Variants in ABLIM3 observed in about 807,000 individuals in gnomAD.
ABLIM3 encodes the protein actin binding LIM protein family member 3.
A neutral mutation model predicts 109.5 loss-of-function variants in ABLIM3; 61 were observed. The observed-to-expected ratio is 0.56, with a 90% confidence interval of 0.45 to 0.69. The LOEUF (loss-of-function observed/expected upper bound fraction) is 0.69, where lower values mean the gene tolerates loss of function less well. ABLIM3 is among the 30% of genes least tolerant of loss of function. The pLI is 0.00. For synonymous variants in ABLIM3, 300 were observed against 324.8 expected (o/e 0.92, Z 0.82); for missense variants, 796 against 889.5 (o/e 0.89, Z 1.34).
At chr5:149,191,680 A>T (rs1045993968) in intron 3 of ABLIM3, among the ~76,000 whole-genome samples, 21 of 140,640 alleles carry the variant, frequency 1.5e-4, no homozygotes, top group Non-Finnish European at 3.2e-4. Context: ...GAAAAGTGTG[A>T]AAAATATAGC....
intron 8 of ABLIM3, among the ~76,000 whole-genome samples, chr5:149,227,455 C>G (rs891850539): frequency 6.6e-6 from 1 of 152,162 alleles, no homozygotes; most frequent in African/African-American, 2.4e-5. Context: ...TTACAAAAAG[C>G]TAGAGCTCTG....
chr5:149,238,901 G>T (rs949660563), intron 11 of ABLIM3, among the ~76,000 whole-genome samples: 8 of 124,840 alleles, frequency 6.4e-5, no homozygotes, highest in Admixed American at 4.6e-4. Flanking sequence ...CCAGTAGAGA[G>T]ACAAGGAAAG....
chr5:149,147,480 A>G (rs962671143), intron 2 of ABLIM3, among the ~76,000 whole-genome samples: 3 of 151,896 alleles, frequency 2.0e-5, no homozygotes, highest in African/African-American at 7.3e-5. Flanking sequence ...TCTGTTGAGG[A>G]TTTTTGCATC....
intron 23 of ABLIM3, 105 bp downstream of exon 23, chr5:149,252,942 A>G (rs1754077034): frequency 2.4e-6 from 2 of 821,162 alleles, no homozygotes; most frequent in Non-Finnish European, 4.0e-6. Flanking sequence ...TGGCTTTAAG[A>G]TCACACAGCT....
At position 149,230,709 on chromosome 5, in the gene ABLIM3, T is replaced by C. The variant is rs778221889; in HGVS notation, c.816+2T>C. 1 of 1,614,020 alleles carries C rather than the reference T, an allele frequency of 6.2e-7. No individual in the cohort carries two copies. On this transcript the variant is annotated splice_donor_variant, in intron 9 of 23. Coordinates refer to ENST00000309868, the MANE Select transcript of ABLIM3 (RefSeq NM_014945.5). LOFTEE classifies it high-confidence loss of function. ...GCCCGGGCAGAGAAGAAGTTAAAGG[T>C]AAGCAAGCTAGTAGATTCCAGACCA...
intron 2 of ABLIM3, among the ~76,000 whole-genome samples, chr5:149,155,243 G>A (rs1019099701): frequency 1.3e-5 from 2 of 152,142 alleles, no homozygotes; most frequent in African/African-American, 4.8e-5. Flanking sequence ...GGGGAAACAT[G>A]GATTGGGATG....
At chr5:149,238,923 T>C (rs1282344556) in intron 11 of ABLIM3, among the ~76,000 whole-genome samples, 1 of 152,136 alleles carries the variant, frequency 6.6e-6, no homozygotes, top group Non-Finnish European at 1.5e-5. Context: ...GTGGTGACAA[T>C]AGCCCTGAGC....
intron 2 of ABLIM3, among the ~76,000 whole-genome samples, chr5:149,153,305 C>G (rs1753598196): frequency 6.6e-6 from 1 of 152,194 alleles, no homozygotes; most frequent in African/African-American, 2.4e-5. Flanking sequence ...TGAGACACTT[C>G]CCTTTCCTCC....
At chr5:149,197,467 C>T (rs1432958347) in intron 3 of ABLIM3, among the ~76,000 whole-genome samples, 1 of 152,118 alleles carries the variant, frequency 6.6e-6, no homozygotes, top group African/African-American at 2.4e-5. Context: ...TGATATGGGA[C>T]ATTTTTTCTA....
chr5:149,215,016 C>T (rs1270841972), intron 7 of ABLIM3, among the ~76,000 whole-genome samples: 1 of 152,150 alleles, frequency 6.6e-6, no homozygotes, highest in Non-Finnish European at 1.5e-5. Context: ...ACTCTGGGTG[C>T]AGGCTGCCCT....
At chr5:149,155,956 C>G (rs1753837330) in intron 2 of ABLIM3, among the ~76,000 whole-genome samples, 1 of 152,214 alleles carries the variant, frequency 6.6e-6, no homozygotes, top group African/African-American at 2.4e-5. Context: ...TTAGGAAGAT[C>G]TCCCCAGCAA....
At chr5:149,252,364 T>A in intron 22 of ABLIM3, 156 bp downstream of exon 22, 1 of 757,432 alleles carries the variant, frequency 1.3e-6, no homozygotes, top group East Asian at 2.9e-5. Flanking sequence ...TGTCCCTTCT[T>A]GGCCCACTTT....
At chr5:149,170,228 T>TTTTCTCTCTCTCTCTCTCTCTC (rs1554082423) in intron 2 of ABLIM3, among the ~76,000 whole-genome samples, 8 of 124,660 alleles carry the variant, frequency 6.4e-5, no homozygotes, top group African/African-American at 2.2e-4. Flanking sequence ...AGGGTTCTGT[T>TTTTCTCTCTCTCTCTCTCTCTC]TCTCTCTCTC....
chr5:149,220,360 C>T (rs1760518580), intron 8 of ABLIM3: 1 of 152,270 alleles, frequency 6.6e-6, no homozygotes, highest in East Asian at 1.9e-4. Context: ...AGTGGAAATG[C>T]CTCCAAGGGT....
chr5:149,153,424 A>G (rs1418116231), intron 2 of ABLIM3, among the ~76,000 whole-genome samples: 1 of 152,182 alleles, frequency 6.6e-6, no homozygotes, highest in Non-Finnish European at 1.5e-5. Context: ...CTCCTACACC[A>G]GGCATGGCAG....
chr5:149,236,874 G>A (rs1752250336), intron 10 of ABLIM3, among the ~76,000 whole-genome samples: 1 of 152,360 alleles, frequency 6.6e-6, no homozygotes, highest in East Asian at 1.9e-4. Flanking sequence ...GAGTTGTATG[G>A]ATGAACTGGG....
At chr5:149,158,905 C>T (rs1488831770) in intron 2 of ABLIM3, among the ~76,000 whole-genome samples, 3 of 152,140 alleles carry the variant, frequency 2.0e-5, no homozygotes, top group African/African-American at 4.8e-5. Flanking sequence ...TTTTTACAGC[C>T]TCCCAAATGG....
chr5:149,197,157 C>T (rs750843634), intron 3 of ABLIM3, among the ~76,000 whole-genome samples: 2 of 152,330 alleles, frequency 1.3e-5, no homozygotes, highest in African/African-American at 2.4e-5. Context: ...CAGTATCCTA[C>T]AAAACCTAAT....
chr5:149,204,857 C>T (rs941536519), intron 5 of ABLIM3, among the ~76,000 whole-genome samples: 7 of 152,204 alleles, frequency 4.6e-5, no homozygotes, highest in South Asian at 2.1e-4. Flanking sequence ...CTAACCACTG[C>T]GCTGTACTCT....
Sources: gnomAD v4.1 joint callset for allele counts (sites outside exome capture counted in the v4.1 genomes callset) on GRCh38, gnomAD v4.1.1 for gene constraint, MANE v1.5 for transcripts, NCBI Gene and HGNC (gene_info 2026-07-23, HGNC 2026-07-21) for gene names.